The following CDH12 variants were observed in gnomAD, a reference collection of about 807,000 sequenced individuals.
The protein encoded by CDH12 is cadherin-12.
Under a neutral mutation model 74.1 loss-of-function variants are expected in CDH12, and 41 were observed. That is an observed-to-expected ratio of 0.55 (90% confidence interval 0.43 to 0.72). The LOEUF is 0.72. Among genes scored for constraint, CDH12 ranks in the 30% least tolerant of loss-of-function variants. CDH12 has a pLI of 0.00. For synonymous variants in CDH12, 399 were observed against 355.0 expected (o/e 1.12, Z -1.39); for missense variants, 945 against 977.2 (o/e 0.97, Z 0.44).
intron 6 of CDH12, among the ~76,000 whole-genome samples, chr5:21,874,413 G>C (rs2150023473): frequency 6.6e-6 from 1 of 152,210 alleles, no homozygotes; most frequent in South Asian, 2.1e-4. Flanking sequence ...TTGCAACTTA[G>C]CTCACACCCA....
intron 3 of CDH12, among the ~76,000 whole-genome samples, chr5:22,338,437 G>A (rs1439382426): frequency 6.6e-6 from 1 of 152,018 alleles, no homozygotes; most frequent in African/African-American, 2.4e-5. Context: ...AGGGTACTGA[G>A]AGGGTGGTGG....
intron 5 of CDH12, among the ~76,000 whole-genome samples, chr5:22,050,108 G>T (rs1740257888): frequency 6.6e-6 from 1 of 151,980 alleles, no homozygotes; most frequent in South Asian, 2.1e-4. Context: ...ACATGTTAGA[G>T]TTTCCTCAAA....
At chr5:22,500,622 T>C (rs1254537006) in intron 2 of CDH12, among the ~76,000 whole-genome samples, 1 of 152,188 alleles carries the variant, frequency 6.6e-6, no homozygotes, top group East Asian at 1.9e-4. Flanking sequence ...AGGTCAATGC[T>C]AATTGAGAGA....
chr5:22,425,276 G>T (rs778860296), intron 2 of CDH12, among the ~76,000 whole-genome samples: 2 of 149,788 alleles, frequency 1.3e-5, no homozygotes, highest in East Asian at 3.9e-4. Flanking sequence ...CTATTTCCAG[G>T]TTTGTTATTC....
At chr5:22,092,451 C>T (rs567208280) in intron 4 of CDH12, among the ~76,000 whole-genome samples, 1 of 152,168 alleles carries the variant, frequency 6.6e-6, no homozygotes, top group East Asian at 1.9e-4. Flanking sequence ...TGAGAGAGGG[C>T]TTTGAATAGA....
intron 4 of CDH12, among the ~76,000 whole-genome samples, chr5:22,173,643 T>C (rs1484949164): frequency 6.6e-6 from 1 of 151,652 alleles, no homozygotes; most frequent in East Asian, 1.9e-4. Context: ...TGATGTAATT[T>C]TTACTACTTT....
At chr5:22,549,875 G>A (rs1249368080) in intron 1 of CDH12, among the ~76,000 whole-genome samples, 1 of 152,156 alleles carries the variant, frequency 6.6e-6, no homozygotes, top group Admixed American at 6.5e-5. Context: ...TCATATGTGA[G>A]CTCCTCATAC....
intron 2 of CDH12, among the ~76,000 whole-genome samples, chr5:22,486,837 T>C (rs995060853): frequency 6.6e-6 from 1 of 152,128 alleles, no homozygotes; most frequent in Non-Finnish European, 1.5e-5. Context: ...TGGGTAATTA[T>C]GATGATACAT....
At chr5:22,716,376 A>C (rs760286498) in intron 1 of CDH12, among the ~76,000 whole-genome samples, 6 of 152,054 alleles carry the variant, frequency 3.9e-5, no homozygotes, top group Non-Finnish European at 8.8e-5. Flanking sequence ...AGGAACTGAA[A>C]AACTATCACC....
At chr5:22,090,853 A>T (rs1241038130) in intron 4 of CDH12, among the ~76,000 whole-genome samples, 2 of 152,120 alleles carry the variant, frequency 1.3e-5, no homozygotes, top group Non-Finnish European at 2.9e-5. Flanking sequence ...TCAATGATCT[A>T]GAAAATGTAT....
chr5:22,191,907 A>G (rs1750331714), intron 4 of CDH12, among the ~76,000 whole-genome samples: 1 of 149,458 alleles, frequency 6.7e-6, no homozygotes, highest in African/African-American at 2.5e-5. Context: ...ATATGTGTTC[A>G]TGTATGCCAA....
At chr5:21,878,393 T>C (rs1020879732) in intron 6 of CDH12, among the ~76,000 whole-genome samples, 2 of 152,186 alleles carry the variant, frequency 1.3e-5, no homozygotes, top group Admixed American at 1.3e-4. Context: ...TCCAAATACG[T>C]TTATTAATGA....
At chr5:21,775,029 G>C (rs747068687) in intron 11 of CDH12, among the ~76,000 whole-genome samples, 1 of 152,178 alleles carries the variant, frequency 6.6e-6, no homozygotes, top group African/African-American at 2.4e-5. Context: ...ACTTGAAAGA[G>C]GTAGAAGAAT....
chr5:21,833,316 T>TATATAAC lies in CDH12; in HGVS notation c.814+8844_814+8845insGTTATAT, dbSNP rs1304533586. Among the ~76,000 whole-genome samples the TATATAAC allele has an allele frequency of 5.2e-3, 53 of 10,192 alleles. 10 individuals are homozygous for TATATAAC. The highest frequency in any genetic ancestry group is 0.019 in the African/African-American group (24 of 1,260). 6.7% of individuals were successfully genotyped at this position (10,192 alleles called of 152,430 possible). A position where few individuals can be genotyped will look rare whatever the true frequency, so the allele number is the denominator to read the frequency against. On this transcript the variant is annotated intron_variant, in intron 8 of 14. Transcript: ENST00000382254. Reference sequence around the variant, plus strand: ...ATAATATATATTATATGTTATATGTTATATAATATATATTATATATTATAT... The same window carrying TATATAAC: ...ATAATATATATTATATGTTATATGTTATATAACATATAATATATATTATATATTATAT...
intron 4 of CDH12, among the ~76,000 whole-genome samples, chr5:22,101,688 C>T (rs1241942274): frequency 6.6e-6 from 1 of 152,132 alleles, no homozygotes; most frequent in African/African-American, 2.4e-5. Flanking sequence ...AAACCACTTG[C>T]TCCATTGTTT....
At chr5:22,820,233 G>A (rs1325250424) in intron 1 of CDH12, among the ~76,000 whole-genome samples, 1 of 151,856 alleles carries the variant, frequency 6.6e-6, no homozygotes, top group Non-Finnish European at 1.5e-5. Flanking sequence ...CACAGGCAGA[G>A]ACAATATTTG....
chr5:22,031,561 C>T (rs1366701105), intron 5 of CDH12, among the ~76,000 whole-genome samples: 1 of 152,126 alleles, frequency 6.6e-6, no homozygotes, highest in African/African-American at 2.4e-5. Flanking sequence ...CCTATCTCGC[C>T]TTTTAATGTG....
chr5:21,765,139 C>A, intron 11 of CDH12, 40 bp from the exon 12 acceptor site: 2 of 1,462,604 alleles, frequency 1.4e-6, no homozygotes, highest in South Asian at 3.0e-5. Context: ...ATTACAAAAT[C>A]CGGTCAGTTA....
At chr5:22,684,215 G>C (rs1741643980) in intron 1 of CDH12, among the ~76,000 whole-genome samples, 2 of 152,052 alleles carry the variant, frequency 1.3e-5, no homozygotes, top group South Asian at 2.1e-4. Context: ...TGGGACACAC[G>C]AGACATTTTG....
Sources: allele counts gnomAD v4.1 joint callset (sites outside exome capture counted in the v4.1 genomes callset), GRCh38; gene constraint gnomAD v4.1.1; transcripts MANE v1.5; gene names NCBI Gene and HGNC (gene_info 2026-07-23, HGNC 2026-07-21).